Variants in MBLAC2 observed in about 807,000 individuals in gnomAD.
MBLAC2 encodes acyl-coenzyme A thioesterase MBLAC2.
A neutral mutation model predicts 23.3 loss-of-function variants in MBLAC2; 24 were observed. The observed-to-expected ratio is 1.03, with a 90% CI of 0.75 to 1.45. The LOEUF is 1.45. Among genes scored for constraint, MBLAC2 ranks in the 40% most tolerant of loss-of-function variants. MBLAC2 has a pLI of 0.00. For synonymous variants in MBLAC2, 162 were observed against 150.9 expected, an observed-to-expected ratio of 1.07 and a Z score of -0.54; for missense variants, 358 against 370.0, an observed-to-expected ratio of 0.97 and a Z score of 0.27.
Position 90,474,302 on chromosome 5 carries a change from G to A in MBLAC2, c.-10C>T. On this transcript the variant is annotated 5_prime_UTR_variant, in exon 1 of 2. Transcript: ENST00000316610. ...ACTCGAGCGCCGACATGCTGGGCAG[G>A]GGTGCAGCCAGGCGGGGTGAGTGTG... 6.2e-7 allele frequency: 1 copy of A among 1,611,494 alleles called. No homozygotes were observed. The highest frequency in any genetic ancestry group is 8.5e-7 in the Non-Finnish European group (1 of 1,178,868).
Position 90,474,216 on chromosome 5 carries a change from G to C in MBLAC2, c.77C>G (p.Ser26Trp), listed in dbSNP as rs183138268. The C allele has an allele frequency of 6.2e-7, 1 of 1,612,842 alleles. No homozygotes were observed. The highest frequency in any genetic ancestry group is 1.1e-5 in the South Asian group (1 of 90,790). The stretch of plus-strand genomic sequence containing the variant: ...CAGCCAGATGTTGGCACGGTTGCCC[G>C]ACTCGTAGAAACGTTCTTGAATCCA... Reference protein sequence around the residue: ...IFWIQERFYESGNRANIWLVR... With the variant: ...IFWIQERFYEWGNRANIWLVR... The change falls in exon 1 of 2, where the codon TCG becomes TGG. Residue 26 changes from serine (S) to tryptophan (W), a missense_variant. By Grantham distance (177) the Ser-to-Trp change is radical. Transcript: ENST00000316610.
rs753330783 is a variant in MBLAC2 at position 90,473,974 on chromosome 5, C to T, written c.319G>A (p.Ala107Thr). 6.3e-7 allele frequency: 1 copy of T among 1,598,344 alleles called. No individual in the cohort carries two copies. Among genetic ancestry groups the T allele is most frequent in the Non-Finnish European group, 8.5e-7 (1 of 1,173,504 alleles). ...TCAAAGTTGTCCCCGCGAGCCAGCG[C>T]CTCGGCCTCGGCGTGGTGCACTGCC... Reference protein sequence around the residue: ...RVAVHHAEAEALARGDNFETV... With the variant: ...RVAVHHAEAETLARGDNFETV... The change falls in exon 1 of 2, where the codon GCG (alanine) becomes ACG (threonine). Residue 107 changes from alanine (A) to threonine (T), a missense_variant. Transcript: ENST00000316610.
chr5:90,474,131 C>A lies in MBLAC2; in HGVS notation c.162G>T (p.Pro54=). 6.3e-7 allele frequency: 1 copy of A among 1,585,408 alleles called. No homozygotes were observed. The change falls in exon 1 of 2, where the codon CCG becomes CCT. Residue 54 remains proline, a synonymous_variant. Coordinates refer to ENST00000316610, the MANE Select transcript of MBLAC2 (RefSeq NM_203406.2). The stretch of plus-strand genomic sequence containing the variant: ...AGAGGCCGGAGGAGTACAGGTACTC[C>A]GGGAGGCTGCGCAGCCCCAGGCCTG... ...IDTGLGLRSL[P]EYLYSSGLLQ...
intron 1 of MBLAC2, among the ~76,000 whole-genome samples, chr5:90,464,546 T>C (rs549652791): frequency 2.6e-5 from 4 of 152,146 alleles, no homozygotes; most frequent in African/African-American, 7.2e-5. Flanking sequence ...GATGGCGCCA[T>C]TGCACTCCGG....
At chr5:90,470,162 T>C (rs1208181056) in intron 1 of MBLAC2, among the ~76,000 whole-genome samples, 1 of 152,044 alleles carries the variant, frequency 6.6e-6, no homozygotes, top group Non-Finnish European at 1.5e-5. Flanking sequence ...TTTATACTCA[T>C]ATGTGGGAGG....
chr5:90,469,683 T>C (rs12109087), intron 1 of MBLAC2, among the ~76,000 whole-genome samples: 3,842 of 152,142 alleles, frequency 0.025, 178 homozygotes, highest in African/African-American at 0.089. Flanking sequence ...ATTTAAGAGT[T>C]GGGGGGCATG....
In MBLAC2 at chr5:90,473,861, C is replaced by T. The variant is rs1292760791; in HGVS notation, c.432G>A (p.Gln144=). ...RARQFRVQAV[Q]PTLILQDGDV... Reference sequence around the variant, plus strand: ...TACCATCCTGCAGGATGAGGGTGGGCTGCACCGCCTGTACCCGGAACTGTC... The same window carrying T: ...TACCATCCTGCAGGATGAGGGTGGGTTGCACCGCCTGTACCCGGAACTGTC... Residue 144 remains glutamine, a synonymous_variant, in exon 1 of 2, where the codon CAG becomes CAA. Coordinates refer to ENST00000316610, the MANE Select transcript of MBLAC2 (RefSeq NM_203406.2). The T allele has an allele frequency of 1.1e-5, 18 of 1,591,064 alleles. No homozygotes were observed. The Admixed American group carries it at 2.8e-4, about 25-fold the overall frequency.
chr5:90,474,451 G>A lies in MBLAC2; in HGVS notation c.-159C>T, dbSNP rs1041147334. The A allele has an allele frequency of 1.1e-5, 7 of 664,466 alleles. No individual in the cohort carries two copies. Among genetic ancestry groups the A allele is most frequent in the Non-Finnish European group, 1.8e-5 (7 of 387,786 alleles). The allele number at this position is 664,466 out of a possible 1,614,324, so 41.2% of individuals were successfully genotyped here. ...GCGTGGGATGCGGGGGTCGGAATAGGAGGAGGAAGGACGCAGACCGACGCT... is the reference window on the plus strand; with the variant it reads ...GCGTGGGATGCGGGGGTCGGAATAGAAGGAGGAAGGACGCAGACCGACGCT... On this transcript the variant is annotated 5_prime_UTR_variant, in exon 1 of 2. Transcript: ENST00000316610.
At position 90,474,331 on chromosome 5, in the gene MBLAC2, G is replaced by A. The variant is rs1406946176; in HGVS notation, c.-39C>T. 6.3e-7 allele frequency: 1 copy of A among 1,578,940 alleles called. No individual in the cohort carries two copies. Among genetic ancestry groups the A allele is most frequent in the Non-Finnish European group, 8.7e-7 (1 of 1,153,268 alleles). On this transcript the variant is annotated 5_prime_UTR_variant, in exon 1 of 2. The change creates a new upstream start codon in the 5' untranslated region. Coordinates refer to ENST00000316610, the MANE Select transcript of MBLAC2 (RefSeq NM_203406.2). ...GCAGCCAGGCGGGGTGAGTGTGGGC[G>A]TGCGAGTCTCCCACAGGCTGTCCAC...
intron 1 of MBLAC2, among the ~76,000 whole-genome samples, chr5:90,467,546 C>G (rs553672011): frequency 2.6e-5 from 4 of 152,210 alleles, no homozygotes; most frequent in African/African-American, 9.6e-5. Context: ...TACCCTTTTA[C>G]CTTAAGTTCA....
chr5:90,464,081 A>T (rs1750412508), intron 1 of MBLAC2, among the ~76,000 whole-genome samples: 1 of 152,210 alleles, frequency 6.6e-6, no homozygotes, highest in African/African-American at 2.4e-5. Context: ...AAATAAATTG[A>T]TTAACAATTT....
intron 1 of MBLAC2, among the ~76,000 whole-genome samples, chr5:90,465,945 A>G (rs1750439012): frequency 6.6e-6 from 1 of 152,168 alleles, no homozygotes; most frequent in Admixed American, 6.5e-5. Context: ...TCTCAATCAA[A>G]ATCTTGATCT....
chr5:90,459,673 T>C lies in MBLAC2; in HGVS notation c.*1494A>G, dbSNP rs1000473994. 3 of 152,172 alleles carry C rather than the reference T, an allele frequency of 2.0e-5. No homozygotes were observed. The highest frequency in any genetic ancestry group is 7.2e-5 in the African/African-American group (3 of 41,452). The allele number at this position is 152,172 out of a possible 1,614,324, so 9.4% of individuals were successfully genotyped here. A position where few individuals can be genotyped will look rare whatever the true frequency, so the allele number is the denominator to read the frequency against. On this transcript the variant is annotated 3_prime_UTR_variant, in exon 2 of 2. Transcript: ENST00000316610. ...TTATATTTTGTGTGCTTTCGACTTT[T>C]AGTTATAATGTTGTCTTTGACTTTT...
chr5:90,473,209 AAGACTC>A (rs1750596029), intron 1 of MBLAC2: 1 of 157,878 alleles, frequency 6.3e-6, no homozygotes, highest in Non-Finnish European at 1.4e-5. Context: ...GTCATAAAGT[AAGACTC>A]AGACATATTC....
intron 1 of MBLAC2, among the ~76,000 whole-genome samples, chr5:90,466,576 T>C (rs895634074): frequency 2.6e-5 from 4 of 152,146 alleles, no homozygotes; most frequent in East Asian, 3.9e-4. Flanking sequence ...AGGGCACACA[T>C]TGGGAGAAGG....
rs1320850933 is a variant in MBLAC2 at position 90,458,354 on chromosome 5, TTTTG to T, written c.*2809_*2812del. On this transcript the variant is annotated 3_prime_UTR_variant, in exon 2 of 2. Coordinates refer to ENST00000316610, the MANE Select transcript of MBLAC2 (RefSeq NM_203406.2). The stretch of plus-strand genomic sequence containing the variant: ...ACTATATCAGGATAACACACAAGGT[TTTTG>T]TTTGTTTTAGGCTTCTCAGTTGAAA... 2.0e-5 allele frequency: 3 copies of T among 152,206 alleles called. No individual in the cohort carries two copies. In the East Asian group the frequency reaches 5.8e-4, roughly 29 times the overall value. The allele number at this position is 152,206 out of a possible 1,614,324, so 9.4% of individuals were successfully genotyped here. A position where few individuals can be genotyped will look rare whatever the true frequency, so the allele number is the denominator to read the frequency against.
intron 1 of MBLAC2, among the ~76,000 whole-genome samples, chr5:90,466,161 CTAAA>C (rs1179022247): frequency 6.6e-6 from 1 of 152,128 alleles, no homozygotes; most frequent in Non-Finnish European, 1.5e-5. Flanking sequence ...GTGTTACTGA[CTAAA>C]TAGACATAAT....
rs919887137 is a variant in MBLAC2 at position 90,459,524 on chromosome 5, C to T, written c.*1643G>A. ...TCCAACTCTGACTATCTAACAAGTTCATCCTTCCAAATTTGACTCAAAAAC... is the reference window on the plus strand; with the variant it reads ...TCCAACTCTGACTATCTAACAAGTTTATCCTTCCAAATTTGACTCAAAAAC... On this transcript the variant is annotated 3_prime_UTR_variant, in exon 2 of 2. Transcript: ENST00000316610. 2.6e-5 allele frequency: 4 copies of T among 152,084 alleles called. No individual in the cohort carries two copies. The highest frequency in any genetic ancestry group is 9.7e-5 in the African/African-American group (4 of 41,424). 9.4% of individuals were successfully genotyped at this position (152,084 alleles called of 1,614,324 possible).
Position 90,474,048 on chromosome 5 carries a change from G to C in MBLAC2, c.245C>G (p.Thr82Ser), listed in dbSNP as rs1224998818. ...AARRPLLAVA[T>S]HVHFDHSGGL... ...GCCGGAGTGGTCGAAGTGCACGTGG[G>C]TGGCCACGGCAAGCAGTGGCCGGCG... Residue 82 changes from threonine (T) to serine (S), a missense_variant, in exon 1 of 2, where the codon ACC becomes AGC. Coordinates refer to ENST00000316610, the MANE Select transcript of MBLAC2 (RefSeq NM_203406.2). 1 of 1,588,658 alleles carries C rather than the reference G, an allele frequency of 6.3e-7. No individual in the cohort carries two copies. Among genetic ancestry groups the C allele is most frequent in the African/African-American group, 1.3e-5 (1 of 74,728 alleles).
Sources: allele counts gnomAD v4.1 joint callset (sites outside exome capture counted in the v4.1 genomes callset), GRCh38; gene constraint gnomAD v4.1.1; transcripts MANE v1.5; gene names NCBI Gene and HGNC (gene_info 2026-07-23, HGNC 2026-07-21).